EBF1: variants seen among roughly 807,000 people sequenced by gnomAD.
EBF1 encodes EBF transcription factor 1, also known as transcription factor COE1.
EBF1 carries 10 observed loss-of-function variants against 68.4 expected under a neutral mutation model. The observed-to-expected ratio is 0.15, with a 90% CI of 0.09 to 0.25. The LOEUF (loss-of-function observed/expected upper bound fraction) is 0.25. Among genes scored for constraint, EBF1 ranks in the 10% least tolerant of loss-of-function variants. The pLI is 1.00. For synonymous variants in EBF1, 298 were observed against 299.8 expected, an observed-to-expected ratio of 0.99 and a Z score of 0.06; for missense variants, 509 against 794.4, an observed-to-expected ratio of 0.64 and a Z score of 4.32.
chr5:158,864,053 G>A (rs1003711713), intron 6 of EBF1, among the ~76,000 whole-genome samples: 7 of 151,838 alleles, frequency 4.6e-5, no homozygotes, highest in South Asian at 2.1e-4. Flanking sequence ...CCAACATGGC[G>A]GAAGCCCATC....
chr5:159,097,303 A>ACATGTCTCCT (rs1782816373), intron 1 of EBF1, among the ~76,000 whole-genome samples, 173 bp from the exon 2 acceptor site: 1 of 152,234 alleles, frequency 6.6e-6, no homozygotes, highest in Non-Finnish European at 1.5e-5. Context: ...AACGGGACAC[A>ACATGTCTCCT]CATGTCCCCT....
chr5:158,755,183 T>C (rs199710676), intron 10 of EBF1, among the ~76,000 whole-genome samples: 3 of 151,962 alleles, frequency 2.0e-5, no homozygotes, highest in Non-Finnish European at 4.4e-5. Flanking sequence ...TGTTTTTTTT[T>C]CACATATAAA....
At chr5:159,019,125 T>C (rs1766173197) in intron 6 of EBF1, 1 of 152,122 alleles carries the variant, frequency 6.6e-6, no homozygotes, top group Non-Finnish European at 1.5e-5. Flanking sequence ...CAACCATAAT[T>C]CCCACGACCA....
chr5:159,069,455 G>T (rs1396949818), intron 6 of EBF1, among the ~76,000 whole-genome samples: 2 of 152,092 alleles, frequency 1.3e-5, no homozygotes, highest in Non-Finnish European at 2.9e-5. Flanking sequence ...TTTGGAGAAA[G>T]AAATGTTTTT....
chr5:159,012,316 A>G (rs1764833524), intron 6 of EBF1, among the ~76,000 whole-genome samples: 1 of 151,688 alleles, frequency 6.6e-6, no homozygotes, highest in Non-Finnish European at 1.5e-5. Context: ...AAAAGAAAAG[A>G]AAAGAAAATG....
chr5:159,010,622 C>G (rs1764465383), intron 6 of EBF1, among the ~76,000 whole-genome samples: 3 of 152,192 alleles, frequency 2.0e-5, no homozygotes, highest in Non-Finnish European at 4.4e-5. Context: ...GTATTTGTCT[C>G]CACAACTCTT....
chr5:158,958,247 A>T (rs1817526073), intron 6 of EBF1, among the ~76,000 whole-genome samples: 1 of 152,208 alleles, frequency 6.6e-6, no homozygotes, highest in Admixed American at 6.5e-5. Context: ...GAACAGCATG[A>T]TTGCTTCATG....
At chr5:158,705,696 C>T (rs767349510) in intron 15 of EBF1, among the ~76,000 whole-genome samples, 1 of 152,174 alleles carries the variant, frequency 6.6e-6, no homozygotes, top group Non-Finnish European at 1.5e-5. Flanking sequence ...TCCTGAAACC[C>T]AGGAAGTCAT....
intron 6 of EBF1, among the ~76,000 whole-genome samples, chr5:159,039,968 C>T (rs901372136): frequency 2.6e-5 from 4 of 152,232 alleles, no homozygotes; most frequent in Admixed American, 6.5e-5. Flanking sequence ...AAATTTTATG[C>T]GTAAAATTGT....
chr5:158,904,011 G>T (rs1804015911), intron 6 of EBF1, among the ~76,000 whole-genome samples: 1 of 152,132 alleles, frequency 6.6e-6, no homozygotes, highest in Admixed American at 6.5e-5. Context: ...GCAAGAAGTA[G>T]AGGCTCAGGG....
chr5:158,866,833 GTATATATA>G (rs70987938), intron 6 of EBF1, among the ~76,000 whole-genome samples: 20 of 92,836 alleles, frequency 2.2e-4, no homozygotes, highest in African/African-American at 2.7e-4. Context: ...ATATGTATAT[GTATATATA>G]TATATATATA....
At chr5:158,807,834 T>C (rs150484747) in intron 8 of EBF1, among the ~76,000 whole-genome samples, 5 of 152,296 alleles carry the variant, frequency 3.3e-5, no homozygotes, top group Non-Finnish European at 7.4e-5. Flanking sequence ...TTTATTGTCA[T>C]GCAAGACAGC....
intron 6 of EBF1, among the ~76,000 whole-genome samples, chr5:158,932,915 G>A (rs900066235): frequency 6.6e-6 from 1 of 152,078 alleles, no homozygotes; most frequent in African/African-American, 2.4e-5. Context: ...TTCTTAGCAT[G>A]GTCCAAGATC....
At chr5:158,844,238 G>A (rs185441630) in intron 6 of EBF1, among the ~76,000 whole-genome samples, 3 of 139,568 alleles carry the variant, frequency 2.1e-5, no homozygotes, top group East Asian at 4.1e-4. Flanking sequence ...CGAGAAACTC[G>A]ACATCTTTCT....
At chr5:158,705,137 G>A (rs1196775796) in intron 15 of EBF1, among the ~76,000 whole-genome samples, 1 of 152,026 alleles carries the variant, frequency 6.6e-6, no homozygotes, top group Non-Finnish European at 1.5e-5. Context: ...TGCACCACCA[G>A]GCCCGGCTAA....
At chr5:158,713,877 T>A (rs1760026888) in intron 12 of EBF1, among the ~76,000 whole-genome samples, 1 of 152,238 alleles carries the variant, frequency 6.6e-6, no homozygotes. Context: ...ATGTTCCCAC[T>A]AAAGATTAGT....
chr5:158,703,851 C>T (rs1313894642), intron 15 of EBF1, among the ~76,000 whole-genome samples: 3 of 152,196 alleles, frequency 2.0e-5, no homozygotes, highest in Non-Finnish European at 4.4e-5. Context: ...TCTGAATTCT[C>T]CTTCATCTTT....
intron 8 of EBF1, among the ~76,000 whole-genome samples, chr5:158,803,297 A>G (rs1780950402): frequency 6.6e-6 from 1 of 150,530 alleles, no homozygotes; most frequent in East Asian, 1.9e-4. Context: ...TTCCACTTGG[A>G]CTCAGCGCAC....
chr5:158,874,766 T>C (rs759036805), intron 6 of EBF1, among the ~76,000 whole-genome samples: 2 of 151,882 alleles, frequency 1.3e-5, no homozygotes, highest in Admixed American at 6.6e-5. Context: ...AAAAATGATA[T>C]ATTAAAGGGA....
Sources: gnomAD v4.1 joint callset for allele counts (sites outside exome capture counted in the v4.1 genomes callset) on GRCh38, gnomAD v4.1.1 for gene constraint, MANE v1.5 for transcripts, NCBI Gene and HGNC (gene_info 2026-07-23, HGNC 2026-07-21) for gene names.